The following SORCS3 variants were observed in gnomAD, a reference collection of about 807,000 sequenced individuals.
SORCS3 encodes the protein sortilin related VPS10 domain containing receptor 3.
SORCS3 carries 57 observed loss-of-function variants against 146.3 expected under a neutral mutation model. The observed-to-expected ratio is 0.39, with a 90% CI of 0.31 to 0.49. SORCS3 has a LOEUF of 0.49. Among genes scored for constraint, SORCS3 ranks in the 20% least tolerant of loss-of-function variants. The pLI is 0.92. For missense variants in SORCS3, 1,341 were observed against 1,575.5 expected (o/e 0.85, Z 2.52); for synonymous variants, 653 against 618.5 (o/e 1.06, Z -0.83).
At chr10:105,077,884 G>A (rs1485742281) in intron 5 of SORCS3, among the ~76,000 whole-genome samples, 1 of 152,160 alleles carries the variant, frequency 6.6e-6, no homozygotes, top group Non-Finnish European at 1.5e-5. Flanking sequence ...CTAAAAATCT[G>A]TGAATCTGGG....
At chr10:105,153,645 A>ATG (rs372134420) in intron 9 of SORCS3, among the ~76,000 whole-genome samples, 30,133 of 146,136 alleles carry the variant, frequency 0.21, 3,357 homozygotes, top group Middle Eastern at 0.3. Context: ...GTGTGTGTGT[A>ATG]TGTGTGTGTG....
At chr10:105,111,772 C>G (rs534991425) in intron 7 of SORCS3, among the ~76,000 whole-genome samples, 13 of 152,194 alleles carry the variant, frequency 8.5e-5, no homozygotes, top group Non-Finnish European at 1.6e-4. Context: ...ACATGTTGCT[C>G]TTGGAGAAAG....
chr10:104,746,682 G>T (rs749457714), intron 1 of SORCS3, among the ~76,000 whole-genome samples: 4 of 151,986 alleles, frequency 2.6e-5, no homozygotes, highest in Non-Finnish European at 4.4e-5. Context: ...GCTCCCCCAG[G>T]TTCTGTAACC....
intron 5 of SORCS3, among the ~76,000 whole-genome samples, chr10:105,046,039 A>G (rs918399725): frequency 2.0e-5 from 3 of 152,106 alleles, no homozygotes; most frequent in Non-Finnish European, 4.4e-5. Flanking sequence ...TATAATTCTT[A>G]TGAAGTGATC....
At chr10:104,715,381 C>T (rs548298554) in intron 1 of SORCS3, among the ~76,000 whole-genome samples, 2 of 152,276 alleles carry the variant, frequency 1.3e-5, no homozygotes, top group East Asian at 3.9e-4. Context: ...GTTCTTGAGC[C>T]TTTGGACTCC....
chr10:104,764,194 C>G (rs2017154574), intron 1 of SORCS3, among the ~76,000 whole-genome samples: 1 of 152,028 alleles, frequency 6.6e-6, no homozygotes, highest in African/African-American at 2.4e-5. Flanking sequence ...GCAAAAAAAC[C>G]TGATACCTTT....
chr10:105,060,801 G>T (rs955321640), intron 5 of SORCS3, among the ~76,000 whole-genome samples: 2 of 152,050 alleles, frequency 1.3e-5, no homozygotes, highest in East Asian at 3.9e-4. Flanking sequence ...GCTGGGCATG[G>T]TGGCACATGC....
intron 3 of SORCS3, among the ~76,000 whole-genome samples, chr10:104,974,248 C>G (rs1482649454): frequency 6.6e-6 from 1 of 152,016 alleles, no homozygotes; most frequent in African/African-American, 2.4e-5. Context: ...CCTGGGTATA[C>G]TTGTTAATTT....
chr10:104,771,048 C>G (rs1043077924), intron 1 of SORCS3, among the ~76,000 whole-genome samples: 1 of 152,270 alleles, frequency 6.6e-6, no homozygotes, highest in South Asian at 2.1e-4. Context: ...AGACTGGCCA[C>G]AATCCAAATG....
chr10:104,855,366 TG>T (rs1403876138), intron 2 of SORCS3, among the ~76,000 whole-genome samples: 1 of 152,096 alleles, frequency 6.6e-6, no homozygotes, highest in African/African-American at 2.4e-5. Flanking sequence ...AAAACCCTGG[TG>T]GGGTTTTGAT....
chr10:105,250,608 T>C (rs1564795888), intron 22 of SORCS3, among the ~76,000 whole-genome samples: 1 of 152,088 alleles, frequency 6.6e-6, no homozygotes, highest in Non-Finnish European at 1.5e-5. Flanking sequence ...ACTAATAAGC[T>C]CACCACCCAA....
chr10:104,892,992 C>T (rs934542748), intron 2 of SORCS3, among the ~76,000 whole-genome samples: 2 of 152,154 alleles, frequency 1.3e-5, no homozygotes, highest in Non-Finnish European at 2.9e-5. Flanking sequence ...CTTTGCATGA[C>T]TCAATTTTTC....
chr10:105,097,335 T>A (rs534468963), intron 6 of SORCS3, among the ~76,000 whole-genome samples: 1 of 152,336 alleles, frequency 6.6e-6, no homozygotes, highest in African/African-American at 2.4e-5. Flanking sequence ...GTGCGAATAA[T>A]CCTATTTCTG....
At chr10:105,041,271 G>A (rs192722451) in intron 4 of SORCS3, among the ~76,000 whole-genome samples, 3 of 148,808 alleles carry the variant, frequency 2.0e-5, no homozygotes, top group African/African-American at 7.3e-5. Context: ...GTCTCCATGT[G>A]TGTGTGGGAA....
Position 105,256,823 on chromosome 10 carries a change from A to G in SORCS3, c.3342A>G (p.Pro1114=). ...IVYVTQLTLA[P]LVDSSAGHSS... The stretch of plus-strand genomic sequence containing the variant: ...TTATCTGTTCTTCTTTCCAAGCTCC[A>G]TTGGTGGACTCCAGTGCTGGGCACA... Residue 1114 remains proline (P), a synonymous_variant, in exon 25 of 27, where the codon CCA becomes CCG. Coordinates refer to ENST00000369701, the MANE Select transcript of SORCS3 (RefSeq NM_014978.3). 2 of 1,613,462 alleles carry G rather than the reference A, an allele frequency of 1.2e-6. No individual in the cohort carries two copies. Among genetic ancestry groups the G allele is most frequent in the Admixed American group, 1.7e-5 (1 of 60,024 alleles).
chr10:105,139,976 T>A (rs1397015830), intron 8 of SORCS3, among the ~76,000 whole-genome samples: 1 of 152,244 alleles, frequency 6.6e-6, no homozygotes, highest in Non-Finnish European at 1.5e-5. Context: ...AGGGGTAAAT[T>A]AATAGAATGT....
intron 5 of SORCS3, among the ~76,000 whole-genome samples, chr10:105,086,112 A>G (rs2055658770): frequency 1.3e-5 from 2 of 152,158 alleles, no homozygotes; most frequent in Non-Finnish European, 2.9e-5. Context: ...CAGCTTCAGT[A>G]AGAGAAATCT....
chr10:105,083,120 T>C (rs1038947630), intron 5 of SORCS3, among the ~76,000 whole-genome samples: 3 of 152,198 alleles, frequency 2.0e-5, no homozygotes, highest in Admixed American at 2.0e-4. Flanking sequence ...TAAAATTTTG[T>C]TTTATAGTCA....
intron 3 of SORCS3, among the ~76,000 whole-genome samples, chr10:104,976,837 C>T (rs926738698): frequency 6.6e-6 from 1 of 151,924 alleles, no homozygotes; most frequent in Non-Finnish European, 1.5e-5. Flanking sequence ...CATATTCTCA[C>T]TCATAGGTGG....
Sources: gnomAD v4.1 joint callset for allele counts (sites outside exome capture counted in the v4.1 genomes callset) on GRCh38, gnomAD v4.1.1 for gene constraint, MANE v1.5 for transcripts, NCBI Gene and HGNC (gene_info 2026-07-23, HGNC 2026-07-21) for gene names.